The following DNAH9 variants were observed in gnomAD, a reference collection of about 807,000 sequenced individuals.
DNAH9 encodes the protein DNAH9 variant protein.
A neutral mutation model predicts 471.6 loss-of-function variants in DNAH9; 345 were observed. The ratio of observed to expected loss-of-function variants is 0.73; its 90% CI spans 0.67 to 0.80. The LOEUF (loss-of-function observed/expected upper bound fraction) is 0.80, where lower values mean the gene tolerates loss of function less well. DNAH9 is among the 30% of genes least tolerant of loss of function. The pLI, the probability that DNAH9 is intolerant of heterozygous loss-of-function variation, is 0.00. For synonymous variants in DNAH9, 2,093 were observed against 2,123.6 expected, an observed-to-expected ratio of 0.99 and a Z score of 0.40; for missense variants, 5,407 against 5,609.2, an observed-to-expected ratio of 0.96 and a Z score of 1.15.
intron 15 of DNAH9, 142 bp downstream of exon 15, chr17:11,665,110 C>T: frequency 1.4e-6 from 1 of 719,692 alleles, no homozygotes. Flanking sequence ...CACAGGAAAA[C>T]AGAAAAGGTA....
At chr17:11,685,558 T>C (rs2074227250) in intron 19 of DNAH9, among the ~76,000 whole-genome samples, 1 of 151,888 alleles carries the variant, frequency 6.6e-6, no homozygotes, top group East Asian at 1.9e-4. Context: ...AGATGAGAAG[T>C]GGTGAGGCCT....
rs78526197 is a variant in DNAH9, at chr17:11,734,147, C to T, written c.5815-4733C>T. ...CCACGCTATTCAAACTGTGAGCCAA[C>T]AGCACCAGCATCCCCTGGGAGCTTG... is the stretch of plus-strand genomic sequence containing the variant. On this transcript the variant is annotated intron_variant, in intron 28 of 68. Transcript: ENST00000262442. Among the ~76,000 whole-genome samples the T allele has an allele frequency of 8.9e-3, 1,354 of 152,258 alleles. 21 individuals are homozygous for T. The highest frequency in any genetic ancestry group is 0.031 in the African/African-American group (1,303 of 41,556).
In DNAH9 at chr17:11,679,747, T is replaced by G; in HGVS notation, c.3354-10T>G. Reference sequence around the variant, plus strand: ...AGAATGGTTCCTCATGTTCTGTTTGTGTTGATTAGCTTGGCCAACCTGGAT... The same window carrying G: ...AGAATGGTTCCTCATGTTCTGTTTGGGTTGATTAGCTTGGCCAACCTGGAT... On this transcript the variant is annotated splice_polypyrimidine_tract_variant and intron_variant, in intron 17 of 68. Coordinates refer to ENST00000262442, the MANE Select transcript of DNAH9 (RefSeq NM_001372.4). 6.3e-7 allele frequency: 1 copy of G among 1,586,630 alleles called. No homozygotes were observed. The highest frequency in any genetic ancestry group is 1.7e-5 in the Admixed American group (1 of 59,982).
intron 48 of DNAH9, among the ~76,000 whole-genome samples, chr17:11,829,904 T>A (rs1209029374): frequency 6.6e-6 from 1 of 152,274 alleles, no homozygotes; most frequent in African/African-American, 2.4e-5. Flanking sequence ...GCTCTTAATA[T>A]TAATCTTGCA....
Position 11,937,070 on chromosome 17 carries a change from G to A in DNAH9, c.12490-282G>A, listed in dbSNP as rs780339200. 4.6e-5 allele frequency among the ~76,000 whole-genome samples: 7 copies of A among 152,186 alleles called. No individual in the cohort carries two copies. Among genetic ancestry groups the A allele is most frequent in the African/African-American group, 7.2e-5 (3 of 41,428 alleles). On this transcript the variant is annotated intron_variant, in intron 65 of 68. Coordinates refer to ENST00000262442, the MANE Select transcript of DNAH9 (RefSeq NM_001372.4). The surrounding 1 kb of genome is among the most constrained non-coding windows in gnomAD (Gnocchi z 4.1). ...AAAGAGTCATCAGGGAGGAGTGGGA[G>A]GCATTGGGTGTGGAGATAGATAAAG...
intron 4 of DNAH9, among the ~76,000 whole-genome samples, chr17:11,614,571 G>A (rs932826071): frequency 6.6e-6 from 1 of 152,208 alleles, no homozygotes; most frequent in Non-Finnish European, 1.5e-5. Flanking sequence ...GAGTCCATTT[G>A]TGCTGCTTTA....
Position 11,880,068 on chromosome 17 carries a change from G to A in DNAH9, c.10479-10G>A. ...GTCTCATACTCCCGGACTCATACTT[G>A]TTTCCCTAGCTACCTTCAAATCATA... On this transcript the variant is annotated splice_polypyrimidine_tract_variant and intron_variant, in intron 53 of 68. Coordinates refer to ENST00000262442, the MANE Select transcript of DNAH9 (RefSeq NM_001372.4). 1 of 1,613,600 alleles carries A rather than the reference G, an allele frequency of 6.2e-7. No individual in the cohort carries two copies. The highest frequency in any genetic ancestry group is 8.5e-7 in the Non-Finnish European group (1 of 1,179,688).
At chr17:11,903,878 T>C (rs368619520) in intron 60 of DNAH9, among the ~76,000 whole-genome samples, 1 of 151,184 alleles carries the variant, frequency 6.6e-6, no homozygotes, top group African/African-American at 2.4e-5. Flanking sequence ...ACCACCGCAC[T>C]CTAGCCTGGG....
In DNAH9 at chr17:11,744,939, A is replaced by G. The variant is rs2075496313; in HGVS notation, c.6254A>G (p.Asp2085Gly). ...RDFNIPKIVTDDMPIFMGLIG... is the reference protein window; with the variant it reads ...RDFNIPKIVTGDMPIFMGLIG... ...TTCAACATCCCCAAGATTGTGACTG[A>G]TGACATGCCCATCTTCATGGGCCTG... is the stretch of plus-strand genomic sequence containing the variant. The change falls in exon 31 of 69, where the codon GAT becomes GGT. Residue 2085 changes from aspartate to glycine, a missense_variant. By Grantham distance (94) the Asp-to-Gly change is moderately conservative. Coordinates refer to ENST00000262442, the MANE Select transcript of DNAH9 (RefSeq NM_001372.4). The G allele has an allele frequency of 6.2e-7, 1 of 1,614,180 alleles. No homozygotes were observed. The highest frequency in any genetic ancestry group is 2.2e-5 in the East Asian group (1 of 44,876).
Position 11,962,082 on chromosome 17 carries a change from G to A in DNAH9, c.13059G>A (p.Gln4353=). 6.2e-7 allele frequency: 1 copy of A among 1,614,136 alleles called. No individual in the cohort carries two copies. Among genetic ancestry groups the A allele is most frequent in the Non-Finnish European group, 8.5e-7 (1 of 1,180,028 alleles). The change falls in exon 68 of 69, where the codon CAG becomes CAA. Residue 4353 remains glutamine (Q), a synonymous_variant. Transcript: ENST00000262442. This position sits in a 1 kb window ranked among gnomAD's most constrained non-coding sequence, Gnocchi z 4.1. The part of the protein sequence containing the change: ...TVWLTGFFNP[Q]SFLTAIMQST... ...GGCTGACAGGCTTCTTCAACCCCCA[G>A]TCGTTCCTGACTGCCATCATGCAGT...
intron 41 of DNAH9, among the ~76,000 whole-genome samples, chr17:11,788,351 C>T (rs1968946345): frequency 6.6e-6 from 1 of 152,226 alleles, no homozygotes; most frequent in Non-Finnish European, 1.5e-5. Flanking sequence ...AAACTTTTAT[C>T]AAAGTGTAAC....
At chr17:11,621,929 A>G (rs990213807) in intron 6 of DNAH9, among the ~76,000 whole-genome samples, 4 of 151,928 alleles carry the variant, frequency 2.6e-5, no homozygotes, top group Non-Finnish European at 5.9e-5. Context: ...AAAATACAAA[A>G]AAAAAAATTA....
chr17:11,871,939 T>A (rs1277637185), intron 52 of DNAH9, among the ~76,000 whole-genome samples, 153 bp downstream of exon 52: 1 of 151,942 alleles, frequency 6.6e-6, no homozygotes, highest in Admixed American at 6.5e-5. Flanking sequence ...ACCCGTGTCC[T>A]TCCACACTGC....
intron 33 of DNAH9, among the ~76,000 whole-genome samples, 156 bp from the exon 34 acceptor site, chr17:11,756,412 T>A (rs902684748): frequency 6.6e-6 from 1 of 152,046 alleles, no homozygotes; most frequent in African/African-American, 2.4e-5. Flanking sequence ...GGAGCTACAA[T>A]TCAAGATGAG....
At chr17:11,953,909 A>ATT (rs1975513116) in intron 67 of DNAH9, 1 of 152,164 alleles carries the variant, frequency 6.6e-6, no homozygotes, top group East Asian at 1.9e-4. Flanking sequence ...AACATGTAAG[A>ATT]TATTTATTAA....
At chr17:11,698,048 AT>A (rs2074506675) in intron 22 of DNAH9, among the ~76,000 whole-genome samples, 1 of 145,318 alleles carries the variant, frequency 6.9e-6, no homozygotes, top group Non-Finnish European at 1.5e-5. Flanking sequence ...GGTTAAAAAA[AT>A]TATATATAAA....
intron 31 of DNAH9, among the ~76,000 whole-genome samples, chr17:11,745,292 C>G (rs778901767): frequency 6.6e-6 from 1 of 152,164 alleles, no homozygotes; most frequent in Non-Finnish European, 1.5e-5. Flanking sequence ...GTTGGAGGAT[C>G]CTTACTTTAC....
chr17:11,704,750 A>C (rs2074669642), intron 25 of DNAH9, among the ~76,000 whole-genome samples: 2 of 152,028 alleles, frequency 1.3e-5, no homozygotes, highest in African/African-American at 4.8e-5. Flanking sequence ...CCCCCAGCTA[A>C]CTTTGTATTT....
chr17:11,800,622 C>G (rs977823882), intron 43 of DNAH9, among the ~76,000 whole-genome samples: 1 of 152,082 alleles, frequency 6.6e-6, no homozygotes, highest in Non-Finnish European at 1.5e-5. Flanking sequence ...CCTTCTCTGC[C>G]CACTTCTTAG....
Sources: allele counts gnomAD v4.1 joint callset (sites outside exome capture counted in the v4.1 genomes callset), GRCh38; gene constraint gnomAD v4.1.1; non-coding constraint Gnocchi (gnomAD v3.1); transcripts MANE v1.5; gene names NCBI Gene and HGNC (gene_info 2026-07-23, HGNC 2026-07-21).